Variants in DNAJC1 observed in about 807,000 individuals in gnomAD.
DNAJC1 encodes the protein dnaJ homolog subfamily C member 1.
DNAJC1 carries 58 observed loss-of-function variants against 76.6 expected under a neutral mutation model. The observed-to-expected ratio is 0.76, with a 90% CI of 0.61 to 0.94. The LOEUF is 0.94. Among genes scored for constraint, DNAJC1 ranks in the 40% least tolerant of loss-of-function variants. The pLI is 0.00. For synonymous variants in DNAJC1, 258 were observed against 267.9 expected, an observed-to-expected ratio of 0.96 and a Z score of 0.36; for missense variants, 689 against 677.3, an observed-to-expected ratio of 1.02 and a Z score of -0.19.
At chr10:21,835,582 A>C (rs1055280598) in intron 8 of DNAJC1, among the ~76,000 whole-genome samples, 4 of 152,184 alleles carry the variant, frequency 2.6e-5, no homozygotes, top group Admixed American at 6.5e-5. Flanking sequence ...GCTTTGAAAA[A>C]AATTAGACGA....
intron 8 of DNAJC1, among the ~76,000 whole-genome samples, chr10:21,823,826 C>T (rs747167595): frequency 5.3e-5 from 8 of 151,794 alleles, no homozygotes; most frequent in Non-Finnish European, 1.2e-4. Context: ...TGTCCTGGGC[C>T]GCATCCAGTC....
At chr10:21,983,307 A>G (rs1453143757) in intron 1 of DNAJC1, among the ~76,000 whole-genome samples, 2 of 152,240 alleles carry the variant, frequency 1.3e-5, no homozygotes, top group Non-Finnish European at 2.9e-5. Flanking sequence ...GAGATATACT[A>G]CAACATGAAT....
intron 1 of DNAJC1, among the ~76,000 whole-genome samples, chr10:21,934,419 T>G (rs766204450): frequency 6.6e-5 from 10 of 152,134 alleles, no homozygotes; most frequent in Non-Finnish European, 8.8e-5. Context: ...ATAAATTTAG[T>G]GTTGTCTAAG....
intron 8 of DNAJC1, among the ~76,000 whole-genome samples, chr10:21,872,835 T>A (rs1303187363): frequency 1.3e-5 from 2 of 152,110 alleles, no homozygotes; most frequent in South Asian, 2.1e-4. Context: ...TAAATTCCAA[T>A]GGACCTAAGG....
intron 1 of DNAJC1, among the ~76,000 whole-genome samples, chr10:21,946,048 TC>T (rs1298178808): frequency 4.1e-4 from 40 of 98,144 alleles, no homozygotes; most frequent in African/African-American, 1.8e-3. Flanking sequence ...TTTCTTTTCC[TC>T]TTTTTTTTTT....
At chr10:21,877,585 T>C (rs1836207057) in intron 8 of DNAJC1, among the ~76,000 whole-genome samples, 1 of 152,204 alleles carries the variant, frequency 6.6e-6, no homozygotes, top group South Asian at 2.1e-4. Context: ...TTCAGTCTTA[T>C]TCATCAAAGG....
At position 21,773,214 on chromosome 10, in the gene DNAJC1, G is replaced by A. The variant is rs146558446; in HGVS notation, c.1099-6905C>T. On this transcript the variant is annotated intron_variant, in intron 9 of 11. Coordinates refer to ENST00000376980, the MANE Select transcript of DNAJC1 (RefSeq NM_022365.4). ...TTTGTTCTCTTTCTAGTGTCTTAAG[G>A]TGGAAAGGTTAATGATTTGAGATCT... is the stretch of plus-strand genomic sequence containing the variant. 2.3e-3 allele frequency among the ~76,000 whole-genome samples: 349 copies of A among 152,252 alleles called. 1 individual carries two copies. Among genetic ancestry groups the A allele is most frequent in the African/African-American group, 7.8e-3 (324 of 41,540 alleles).
chr10:21,879,960 G>A (rs553448406), intron 8 of DNAJC1, among the ~76,000 whole-genome samples: 1 of 152,286 alleles, frequency 6.6e-6, no homozygotes, highest in South Asian at 2.1e-4. Flanking sequence ...ATGTGATGCT[G>A]CTTGATAGCA....
At chr10:21,955,461 G>T (rs982403591) in intron 1 of DNAJC1, among the ~76,000 whole-genome samples, 5 of 151,814 alleles carry the variant, frequency 3.3e-5, no homozygotes, top group Non-Finnish European at 7.4e-5. Flanking sequence ...TGGGACTGAG[G>T]GCCAAAGGAT....
At chr10:21,816,425 C>CAG (rs1417274524) in intron 8 of DNAJC1, among the ~76,000 whole-genome samples, 5 of 151,336 alleles carry the variant, frequency 3.3e-5, no homozygotes, top group Non-Finnish European at 7.4e-5. Flanking sequence ...ATCAATTGAC[C>CAG]AGCTGGGTGC....
chr10:21,972,825 G>C (rs1428261045), intron 1 of DNAJC1, among the ~76,000 whole-genome samples: 1 of 151,974 alleles, frequency 6.6e-6, no homozygotes, highest in African/African-American at 2.4e-5. Flanking sequence ...TCTACACCAA[G>C]AAACTGAAAA....
intron 8 of DNAJC1, among the ~76,000 whole-genome samples, chr10:21,867,191 T>C (rs999401559): frequency 2.0e-5 from 3 of 151,860 alleles, no homozygotes; most frequent in African/African-American, 7.3e-5. Context: ...AAGCATACAA[T>C]ATACAGACTC....
At chr10:21,904,669 T>C in intron 6 of DNAJC1, 57 bp from the exon 7 acceptor site, 1 of 1,116,294 alleles carries the variant, frequency 9.0e-7, no homozygotes, top group South Asian at 1.5e-5. Flanking sequence ...TTCAATAATA[T>C]TTTCCATGTA....
At chr10:21,840,235 C>T (rs1334077244) in intron 8 of DNAJC1, among the ~76,000 whole-genome samples, 2 of 152,126 alleles carry the variant, frequency 1.3e-5, no homozygotes, top group South Asian at 2.1e-4. Context: ...CAACATAGTG[C>T]TGGAAGCTCT....
Position 21,850,534 on chromosome 10 carries a change from T to C in DNAJC1, c.978+31748A>G, listed in dbSNP as rs1332493368. Among the ~76,000 whole-genome samples the C allele has an allele frequency of 6.0e-5, 8 of 132,682 alleles. No homozygotes were observed. The South Asian group carries it at 1.6e-3, about 26-fold the overall frequency. The allele number at this position is 132,682 out of a possible 152,430, so 87.0% of individuals were successfully genotyped here. On this transcript the variant is annotated intron_variant, in intron 8 of 11. Coordinates refer to ENST00000376980, the MANE Select transcript of DNAJC1 (RefSeq NM_022365.4). ...TACTTAATATTTAAATTTTCTTTTC[T>C]TTTTTTTTTTTTTTACTTAGTGCTT... is the stretch of plus-strand genomic sequence containing the variant.
At chr10:21,907,805 C>A (rs112877405) in intron 6 of DNAJC1, among the ~76,000 whole-genome samples, 1 of 149,694 alleles carries the variant, frequency 6.7e-6, no homozygotes, top group Non-Finnish European at 1.5e-5. Flanking sequence ...GGTGAAGCCC[C>A]ATGTGTACTA....
chr10:21,827,238 C>T (rs1204978091), intron 8 of DNAJC1, among the ~76,000 whole-genome samples: 1 of 152,112 alleles, frequency 6.6e-6, no homozygotes, highest in Non-Finnish European at 1.5e-5. Context: ...TTTCCTCCCT[C>T]CCCAGTGTCT....
chr10:21,951,998 G>C (rs12247092), intron 1 of DNAJC1, among the ~76,000 whole-genome samples: 3 of 152,164 alleles, frequency 2.0e-5, no homozygotes, highest in African/African-American at 7.2e-5. Context: ...GAGGTGATTA[G>C]CAAGCAAATT....
chr10:21,870,789 AAG>A (rs1836090479), intron 8 of DNAJC1, among the ~76,000 whole-genome samples: 1 of 152,136 alleles, frequency 6.6e-6, no homozygotes, highest in South Asian at 2.1e-4. Context: ...AAGAGAAAGA[AAG>A]AGAGAAAAGA....
Sources: allele counts gnomAD v4.1 joint callset (sites outside exome capture counted in the v4.1 genomes callset), GRCh38; gene constraint gnomAD v4.1.1; transcripts MANE v1.5; gene names NCBI Gene and HGNC (gene_info 2026-07-23, HGNC 2026-07-21).